The following FOXP2 variants were observed in gnomAD, a reference collection of about 807,000 sequenced individuals.
FOXP2 encodes the protein forkhead box P2.
A neutral mutation model predicts 115.8 loss-of-function variants in FOXP2; 12 were observed. The observed-to-expected ratio is 0.10, with a 90% CI of 0.07 to 0.17. The LOEUF (loss-of-function observed/expected upper bound fraction) is 0.17, where lower values mean the gene tolerates loss of function less well. Ranked by LOEUF, FOXP2 falls within the 10% of genes least tolerant of loss-of-function variation. FOXP2 has a pLI of 1.00. For synonymous variants in FOXP2, 328 were observed against 297.7 expected, an observed-to-expected ratio of 1.10 and a Z score of -1.05; for missense variants, 629 against 843.5, an observed-to-expected ratio of 0.75 and a Z score of 3.15.
chr7:114,514,960 A>G (rs1798258898), intron 2 of FOXP2, among the ~76,000 whole-genome samples: 1 of 150,642 alleles, frequency 6.6e-6, no homozygotes, highest in Non-Finnish European at 1.5e-5. Flanking sequence ...GAGTGAGAAT[A>G]TGCGGTGTTT....
intron 1 of FOXP2, among the ~76,000 whole-genome samples, chr7:114,094,687 A>G (rs952095951): frequency 1.3e-5 from 2 of 152,058 alleles, no homozygotes; most frequent in African/African-American, 4.8e-5. Context: ...TTTGAGACAG[A>G]GTCTCGCTCT....
At chr7:114,241,980 A>G (rs1795166512) in intron 1 of FOXP2, among the ~76,000 whole-genome samples, 1 of 149,622 alleles carries the variant, frequency 6.7e-6, no homozygotes, top group Admixed American at 6.8e-5. Flanking sequence ...TCCAATTTAC[A>G]CAGAGTCCTT....
intron 1 of FOXP2, among the ~76,000 whole-genome samples, chr7:114,232,851 C>T (rs1296657816): frequency 2.0e-5 from 3 of 151,918 alleles, no homozygotes; most frequent in East Asian, 3.9e-4. Flanking sequence ...AAAAGGACAT[C>T]CTATTATATG....
intron 2 of FOXP2, among the ~76,000 whole-genome samples, chr7:114,408,564 G>A (rs1584701332): frequency 2.0e-5 from 3 of 151,570 alleles, no homozygotes; most frequent in Admixed American, 1.3e-4. Context: ...CTGTCTCTAC[G>A]AAAAATACAA....
At chr7:114,271,586 AT>A (rs1458726513) in intron 1 of FOXP2, among the ~76,000 whole-genome samples, 3 of 125,260 alleles carry the variant, frequency 2.4e-5, no homozygotes, top group African/African-American at 9.2e-5. Flanking sequence ...ATATATTAAT[AT>A]TATTATAATA....
At chr7:114,103,585 G>T (rs1332486686) in intron 1 of FOXP2, among the ~76,000 whole-genome samples, 1 of 151,962 alleles carries the variant, frequency 6.6e-6, no homozygotes, top group Non-Finnish European at 1.5e-5. Flanking sequence ...GGATTGGAAA[G>T]TTCTTTTCCT....
intron 2 of FOXP2, among the ~76,000 whole-genome samples, chr7:114,452,029 C>T (rs190464528): frequency 3.9e-5 from 6 of 151,928 alleles, no homozygotes; most frequent in East Asian, 3.9e-4. Flanking sequence ...CTTTTCTAAC[C>T]CCATAGATCA....
chr7:114,365,122 A>G (rs1277883079), intron 2 of FOXP2, among the ~76,000 whole-genome samples: 1 of 152,166 alleles, frequency 6.6e-6, no homozygotes, highest in Non-Finnish European at 1.5e-5. Context: ...AGACTCTTAG[A>G]CAAAATAGCA....
intron 13 of FOXP2, 68 bp from the exon 14 acceptor site, chr7:114,661,994 TGTA>T: frequency 6.4e-7 from 1 of 1,561,126 alleles, no homozygotes; most frequent in Non-Finnish European, 8.8e-7. Context: ...AGATCAATAA[TGTA>T]GTATGTTGGG....
chr7:114,285,815 T>C (rs1454543741), intron 1 of FOXP2, among the ~76,000 whole-genome samples: 1 of 152,044 alleles, frequency 6.6e-6, no homozygotes. Flanking sequence ...ATTTTTCTAT[T>C]GGTTTCCTCT....
intron 1 of FOXP2, among the ~76,000 whole-genome samples, chr7:114,280,233 A>G (rs1279666348): frequency 5.3e-5 from 8 of 152,162 alleles, no homozygotes. Context: ...GTCTGTTCTA[A>G]CCTAGGAAAT....
intron 6 of FOXP2, among the ~76,000 whole-genome samples, chr7:114,637,237 C>T (rs1336987914): frequency 6.6e-6 from 1 of 152,156 alleles, no homozygotes; most frequent in Non-Finnish European, 1.5e-5. Context: ...CTTTCATTTA[C>T]TCAGCTCCTG....
chr7:114,314,612 T>G (rs1797229011), intron 2 of FOXP2, among the ~76,000 whole-genome samples: 1 of 152,356 alleles, frequency 6.6e-6, no homozygotes, highest in Non-Finnish European at 1.5e-5. Flanking sequence ...TGAGAAAGTT[T>G]AAGGCTATCT....
chr7:114,304,362 T>G (rs1365177006), intron 2 of FOXP2, among the ~76,000 whole-genome samples: 1 of 152,038 alleles, frequency 6.6e-6, no homozygotes, highest in Non-Finnish European at 1.5e-5. Context: ...TTCATTTTTA[T>G]CCTTCATTTT....
chr7:114,606,098 A>G (rs995914940), intron 3 of FOXP2, among the ~76,000 whole-genome samples: 1 of 152,202 alleles, frequency 6.6e-6, no homozygotes, highest in Non-Finnish European at 1.5e-5. Flanking sequence ...GGCAGTAGTT[A>G]CTGGCTGATT....
In FOXP2 at chr7:114,176,263, C is replaced by CCTTTCTTTCTTTCTTTCTTT. The variant is rs377227249; in HGVS notation, c.-102+13194_-102+13213dup. Among the ~76,000 whole-genome samples the CCTTTCTTTCTTTCTTTCTTT allele has an allele frequency of 6.5e-4, 80 of 123,514 alleles. 1 individual carries two copies. The highest frequency in any genetic ancestry group is 2.8e-3 in the African/African-American group (73 of 26,528). The allele number at this position is 123,514 out of a possible 152,430, so 81.0% of individuals were successfully genotyped here. A position where few individuals can be genotyped will look rare whatever the true frequency, so the allele number is the denominator to read the frequency against. On this transcript the variant is annotated intron_variant, in intron 1 of 17. Transcript: ENST00000634411. ...TTCTTTCTTTCTCTCTCTCTCTTTC[C>CCTTTCTTTCTTTCTTTCTTT]CTTTCTTTCTTTCTTTCTTTCTTTC...
chr7:114,430,499 C>T (rs560906047), intron 2 of FOXP2, among the ~76,000 whole-genome samples: 1 of 151,850 alleles, frequency 6.6e-6, no homozygotes, highest in East Asian at 1.9e-4. Flanking sequence ...TTATTACATA[C>T]ATATTTCAGA....
intron 16 of FOXP2, among the ~76,000 whole-genome samples, chr7:114,688,951 T>C (rs966327355): frequency 6.6e-6 from 1 of 152,126 alleles, no homozygotes; most frequent in African/African-American, 2.4e-5. Context: ...AAGCAGGTCT[T>C]CTCTTGCTTC....
intron 3 of FOXP2, among the ~76,000 whole-genome samples, chr7:114,541,440 G>A (rs1293576015): frequency 6.6e-6 from 1 of 151,956 alleles, no homozygotes; most frequent in Admixed American, 6.6e-5. Context: ...AAAATTTAAG[G>A]CTTTTCAGCC....
Sources: gnomAD v4.1 joint callset for allele counts (sites outside exome capture counted in the v4.1 genomes callset) on GRCh38, gnomAD v4.1.1 for gene constraint, MANE v1.5 for transcripts, NCBI Gene and HGNC (gene_info 2026-07-23, HGNC 2026-07-21) for gene names.